The following AOAH variants were observed in gnomAD, a reference collection of about 807,000 sequenced individuals.
AOAH encodes acyloxyacyl hydrolase (neutrophil).
In AOAH, 64 loss-of-function variants were observed where a neutral mutation model predicts 92.2. The ratio of observed to expected loss-of-function variants is 0.69; its 90% CI spans 0.57 to 0.86. The LOEUF (loss-of-function observed/expected upper bound fraction) is 0.86. Ranked by LOEUF, AOAH falls within the 40% of genes least tolerant of loss-of-function variation. The pLI, the probability that AOAH is intolerant of heterozygous loss-of-function variation, is 0.00. For synonymous variants in AOAH, 263 were observed against 254.5 expected (o/e 1.03, Z -0.32); for missense variants, 656 against 694.6 (o/e 0.94, Z 0.62).
intron 11 of AOAH, among the ~76,000 whole-genome samples, chr7:36,606,298 T>C (rs1790997099): frequency 6.6e-6 from 1 of 152,176 alleles, no homozygotes; most frequent in Non-Finnish European, 1.5e-5. Context: ...AAATCTGATA[T>C]ACAAAATCAT....
chr7:36,645,197 G>T (rs1794147900), intron 4 of AOAH, among the ~76,000 whole-genome samples: 2 of 152,306 alleles, frequency 1.3e-5, no homozygotes, highest in South Asian at 2.1e-4. Context: ...GGGCCTTTGG[G>T]TAGTGATTAG....
chr7:36,616,969 G>A (rs1303570420), intron 10 of AOAH, among the ~76,000 whole-genome samples: 1 of 152,236 alleles, frequency 6.6e-6, no homozygotes, highest in Non-Finnish European at 1.5e-5. Context: ...GAGACACGGA[G>A]ATAGAAAGGT....
chr7:36,680,645 G>A (rs1362046660), intron 2 of AOAH, among the ~76,000 whole-genome samples: 1 of 152,122 alleles, frequency 6.6e-6, no homozygotes, highest in Admixed American at 6.5e-5. Context: ...TTCTGTTTCT[G>A]TGTCTTGTTT....
chr7:36,622,564 C>G (rs1792357804), intron 7 of AOAH, among the ~76,000 whole-genome samples: 1 of 121,118 alleles, frequency 8.3e-6, no homozygotes, highest in African/African-American at 2.7e-5. Flanking sequence ...GAATCAAACG[C>G]ACACACACAC....
At chr7:36,715,790 A>G (rs1191908025) in intron 1 of AOAH, among the ~76,000 whole-genome samples, 7 of 150,822 alleles carry the variant, frequency 4.6e-5, no homozygotes, top group African/African-American at 9.8e-5. Context: ...AGCTGAAACT[A>G]GATCCCTTCC....
rs889339907 is a variant in AOAH at position 36,534,984 on chromosome 7, TTG to T, written c.1307-2642_1307-2641del. On this transcript the variant is annotated intron_variant, in intron 16 of 20. Transcript: ENST00000617537. ...TGTGTCTGTGTCTCTGTGTGTGTGT[TTG>T]TGTGTGTCTGCTTGTGTGTATCTGT... 4.2e-5 allele frequency among the ~76,000 whole-genome samples: 6 copies of T among 141,794 alleles called. No individual in the cohort carries two copies. The South Asian group carries it at 6.9e-4, about 16-fold the overall frequency. 93.0% of individuals were successfully genotyped at this position (141,794 alleles called of 152,430 possible).
chr7:36,554,181 C>T (rs1786505723), intron 13 of AOAH, among the ~76,000 whole-genome samples: 1 of 152,174 alleles, frequency 6.6e-6, no homozygotes, highest in African/African-American at 2.4e-5. Context: ...GGAAGGGATC[C>T]AGTTTCAGCT....
intron 12 of AOAH, among the ~76,000 whole-genome samples, chr7:36,589,036 T>C (rs1300698025): frequency 7.0e-6 from 1 of 143,670 alleles, no homozygotes; most frequent in East Asian, 2.1e-4. Flanking sequence ...TTATGATGAA[T>C]TTTAGCTTTT....
chr7:36,532,563 A>C (rs1180282315), intron 16 of AOAH, among the ~76,000 whole-genome samples: 1 of 152,180 alleles, frequency 6.6e-6, no homozygotes, highest in Non-Finnish European at 1.5e-5. Flanking sequence ...TGAGGAACTC[A>C]CTGCCATATA....
At chr7:36,657,656 T>C (rs1794969585) in intron 4 of AOAH, among the ~76,000 whole-genome samples, 1 of 152,206 alleles carries the variant, frequency 6.6e-6, no homozygotes, top group South Asian at 2.1e-4. Flanking sequence ...CGTCACAGGC[T>C]GCCCAGCAGC....
At chr7:36,656,878 G>GT (rs1554306766) in intron 4 of AOAH, among the ~76,000 whole-genome samples, 9 of 58,250 alleles carry the variant, frequency 1.5e-4, no homozygotes, top group Middle Eastern at 7.9e-3. Flanking sequence ...AAAGAGGTTT[G>GT]GTGGGGGGTG....
chr7:36,518,124 G>A (rs1187998588), intron 20 of AOAH, among the ~76,000 whole-genome samples: 1 of 152,094 alleles, frequency 6.6e-6, no homozygotes, highest in Non-Finnish European at 1.5e-5. Context: ...ATGGTCTGTA[G>A]TCTTATCCTA....
chr7:36,646,641 A>G (rs1196201119), intron 4 of AOAH, among the ~76,000 whole-genome samples: 1 of 152,240 alleles, frequency 6.6e-6, no homozygotes, highest in Admixed American at 6.5e-5. Flanking sequence ...CAGTTCTGGA[A>G]GTCAGAAATT....
Position 36,632,078 on chromosome 7 carries a change from C to T in AOAH, c.479G>A (p.Cys160Tyr). The T allele has an allele frequency of 6.2e-7, 1 of 1,609,090 alleles. No homozygotes were observed. The change falls in exon 6 of 21, where the codon TGT becomes TAT. Residue 160 changes from cysteine to tyrosine, a missense_variant. Cys to Tyr is a radical substitution (Grantham distance 194, BLOSUM62 -2). Coordinates refer to ENST00000617537, the MANE Select transcript of AOAH (RefSeq NM_001637.4). ...LKYSRSGSDI[C>Y]SLPVLAKICQ... ...GATCTTGGCCAAAACCGGGAGTGAA[C>T]AAATGTCAGAACCACTTCTAGAATA...
intron 2 of AOAH, among the ~76,000 whole-genome samples, chr7:36,680,427 T>A (rs1053354420): frequency 6.6e-6 from 1 of 152,236 alleles, no homozygotes; most frequent in Non-Finnish European, 1.5e-5. Context: ...AAAGTAATAC[T>A]TCACTGAAAA....
intron 1 of AOAH, among the ~76,000 whole-genome samples, chr7:36,697,610 C>T (rs1284786351): frequency 6.6e-6 from 1 of 152,158 alleles, no homozygotes; most frequent in Non-Finnish European, 1.5e-5. Flanking sequence ...ATTATTTCTA[C>T]TTTAAGTACC....
chr7:36,703,815 G>T (rs1179800324), intron 1 of AOAH, among the ~76,000 whole-genome samples: 1 of 152,102 alleles, frequency 6.6e-6, no homozygotes, highest in Non-Finnish European at 1.5e-5. Flanking sequence ...AATCTTTTGG[G>T]TATATACCCA....
At chr7:36,628,629 G>A (rs1304600548) in intron 6 of AOAH, among the ~76,000 whole-genome samples, 1 of 141,364 alleles carries the variant, frequency 7.1e-6, no homozygotes, top group Non-Finnish European at 1.5e-5. Flanking sequence ...ACCCAGGAGG[G>A]CTGTGCAAGC....
At chr7:36,549,880 C>T (rs1003129789) in intron 13 of AOAH, among the ~76,000 whole-genome samples, 1 of 152,106 alleles carries the variant, frequency 6.6e-6, no homozygotes, top group African/African-American at 2.4e-5. Context: ...ACGAGAATTA[C>T]CCACCTCCTT....
Sources: allele counts gnomAD v4.1 joint callset (sites outside exome capture counted in the v4.1 genomes callset), GRCh38; gene constraint gnomAD v4.1.1; transcripts MANE v1.5; gene names NCBI Gene and HGNC (gene_info 2026-07-23, HGNC 2026-07-21).